The following USP36 variants were observed in gnomAD, a reference collection of about 807,000 sequenced individuals.
USP36 encodes the protein ubiquitin specific peptidase 36, also known as ubiquitin carboxyl-terminal hydrolase 36.
USP36 carries 59 observed loss-of-function variants against 111.5 expected under a neutral mutation model. The observed-to-expected ratio is 0.53, with a 90% confidence interval of 0.43 to 0.66. The LOEUF (loss-of-function observed/expected upper bound fraction) is 0.66, where lower values mean the gene tolerates loss of function less well. Ranked by LOEUF, USP36 falls within the 30% of genes least tolerant of loss-of-function variation. USP36 has a pLI of 0.00. For synonymous variants in USP36, 628 were observed against 581.0 expected, an observed-to-expected ratio of 1.08 and a Z score of -1.16; for missense variants, 1,488 against 1,468.0, an observed-to-expected ratio of 1.01 and a Z score of -0.22.
At chr17:78,820,790 T>C in intron 8 of USP36, among the ~76,000 whole-genome samples, 1 of 152,190 alleles carries the variant, frequency 6.6e-6, no homozygotes, top group East Asian at 1.9e-4. Flanking sequence ...ACCATTTTTT[T>C]CTTTAAATAA....
At chr17:78,822,031 G>A in intron 6 of USP36, 27 bp from the exon 7 acceptor site, 1 of 1,613,800 alleles carries the variant, frequency 6.2e-7, no homozygotes, top group East Asian at 2.2e-5. Context: ...AGCCTTTAAG[G>A]GAAGGGCTCA....
intron 4 of USP36, among the ~76,000 whole-genome samples, chr17:78,834,553 TCTC>T (rs2068467591): frequency 6.6e-6 from 1 of 151,810 alleles, no homozygotes; most frequent in Non-Finnish European, 1.5e-5. Flanking sequence ...TTCAAGCAAT[TCTC>T]CTGCTTCAGC....
chr17:78,809,121 T>C (rs58451711), intron 13 of USP36, among the ~76,000 whole-genome samples: 9,103 of 152,292 alleles, frequency 0.06, 881 homozygotes, highest in African/African-American at 0.21. Flanking sequence ...TTGAATGAGA[T>C]CTTTTGTTTA....
downstream of USP36, among the ~76,000 whole-genome samples, chr17:78,793,432 G>A (rs72849516): frequency 4.3e-3 from 660 of 152,268 alleles, 8 homozygotes; most frequent in Non-Finnish European, 5.5e-3. Context: ...CCGAATCCAT[G>A]GCACCCAGAT....
chr17:78,804,896 A>C (rs961925451), intron 15 of USP36, among the ~76,000 whole-genome samples: 1 of 152,200 alleles, frequency 6.6e-6, no homozygotes, highest in African/African-American at 2.4e-5. Flanking sequence ...CGAAAGTCTC[A>C]GGGTGTTCCC....
chr17:78,822,873 G>A (rs1468325507), intron 6 of USP36, among the ~76,000 whole-genome samples: 1 of 152,186 alleles, frequency 6.6e-6, no homozygotes, highest in Non-Finnish European at 1.5e-5. Context: ...TTTACTAGGA[G>A]GCTGCGCAGT....
downstream of USP36, among the ~76,000 whole-genome samples, chr17:78,794,476 T>C (rs1328182685): frequency 6.6e-6 from 1 of 152,172 alleles, no homozygotes; most frequent in East Asian, 1.9e-4. Context: ...AGGCTCCTCA[T>C]GGCCTCCCTG....
chr17:78,798,158 CCT>C lies in USP36; in HGVS notation c.*20+240_*20+241del. 1.8e-6 allele frequency: 1 copy of C among 542,724 alleles called. No individual in the cohort carries two copies. The highest frequency in any genetic ancestry group is 2.3e-5 in the South Asian group (1 of 44,152). The allele number at this position is 542,724 out of a possible 1,614,324, so 33.6% of individuals were successfully genotyped here. A position where few individuals can be genotyped will look rare whatever the true frequency, so the allele number is the denominator to read the frequency against. ...CACCCAACACACACTACACACACCC[CCT>C]TATACACACGCATCCCACACACACC... On this transcript the variant is annotated intron_variant, in intron 20 of 20. Coordinates refer to ENST00000449938, the MANE Select transcript of USP36 (RefSeq NM_001385174.1). The surrounding 1 kb of genome is among the most constrained non-coding windows in gnomAD (Gnocchi z 5.1).
chr17:78,836,520 G>C, intron 2 of USP36, 148 bp from the exon 3 acceptor site: 1 of 1,029,334 alleles, frequency 9.7e-7, no homozygotes, highest in Non-Finnish European at 1.4e-6. Context: ...CTGCACAAAG[G>C]AAACAGGGAG....
chr17:78,808,991 C>T (rs116069648), intron 13 of USP36, among the ~76,000 whole-genome samples: 9 of 152,110 alleles, frequency 5.9e-5, no homozygotes, highest in African/African-American at 2.2e-4. Flanking sequence ...AAATGCCAAA[C>T]TGCTTTTACT....
intron 17 of USP36, among the ~76,000 whole-genome samples, chr17:78,800,502 C>T (rs1175104173): frequency 6.6e-6 from 1 of 152,350 alleles, no homozygotes. Flanking sequence ...AATATACTCA[C>T]CTCCCTTCAC....
At chr17:78,788,660 TGAAG>T (rs1567895596) in intron 3 of USP36, among the ~76,000 whole-genome samples, 1 of 151,844 alleles carries the variant, frequency 6.6e-6, no homozygotes, top group Admixed American at 6.6e-5. Context: ...CTAGAAGGCA[TGAAG>T]GAAGGAAGGG....
intron 10 of USP36, 119 bp from the exon 11 acceptor site, chr17:78,814,671 G>A: frequency 7.7e-7 from 1 of 1,299,540 alleles, no homozygotes; most frequent in Non-Finnish European, 1.0e-6. Flanking sequence ...ACAATTTGGG[G>A]GCCGGGCACA....
rs200423499 is a variant in USP36, at chr17:78,807,453, C to T, written c.1591G>A (p.Asp531Asn). 28 of 1,613,778 alleles carry T rather than the reference C, an allele frequency of 1.7e-5. No homozygotes were observed. Among genetic ancestry groups the T allele is most frequent in the African/African-American group, 6.7e-5 (5 of 74,852 alleles). The change falls in exon 14 of 21, where the codon GAC (aspartate) becomes AAC (asparagine). Residue 531 changes from aspartate (D) to asparagine (N), a missense_variant. Coordinates refer to ENST00000449938, the MANE Select transcript of USP36 (RefSeq NM_001385174.1). ...TPTHMPTILD[D>N]PGKKVKKPAP... Reference sequence around the variant, plus strand: ...GGCTTCTTCACCTTCTTTCCAGGGTCGTCTAGGATGGTTGGCATGTGTGTG... The same window carrying T: ...GGCTTCTTCACCTTCTTTCCAGGGTTGTCTAGGATGGTTGGCATGTGTGTG...
intron 6 of USP36, among the ~76,000 whole-genome samples, chr17:78,825,685 G>A (rs1432033479): frequency 6.6e-6 from 1 of 152,260 alleles, no homozygotes; most frequent in East Asian, 1.9e-4. Flanking sequence ...TTCCACCGTA[G>A]ACTCTGGTTA....
At chr17:78,823,714 A>G (rs9891151) in intron 6 of USP36, among the ~76,000 whole-genome samples, 8,834 of 152,242 alleles carry the variant, frequency 0.058, 817 homozygotes, top group African/African-American at 0.2. Context: ...GCAGGCAGGC[A>G]GCCTTAGAAG....
At position 78,802,314 on chromosome 17, in the gene USP36, C is replaced by T. The variant is rs370434657; in HGVS notation, c.3022+10G>A. The T allele has an allele frequency of 7.8e-5, 121 of 1,559,910 alleles. No individual in the cohort carries two copies. The highest frequency in any genetic ancestry group is 9.3e-5 in the Non-Finnish European group (107 of 1,152,500). On this transcript the variant is annotated intron_variant, in intron 17 of 20. Coordinates refer to ENST00000449938, the MANE Select transcript of USP36 (RefSeq NM_001385174.1). ...CCCATGCGGTTCCCACCCCCTCGCC[C>T]GGTGCATACCCATGCGGTCCCCAGG...
intron 6 of USP36, among the ~76,000 whole-genome samples, chr17:78,824,768 T>C (rs934517249): frequency 6.6e-6 from 1 of 152,220 alleles, no homozygotes; most frequent in African/African-American, 2.4e-5. Context: ...ATGGTCATTT[T>C]GGCTTACAAA....
At chr17:78,790,350 G>A (rs1598947728) in intron 3 of USP36, among the ~76,000 whole-genome samples, 2 of 152,072 alleles carry the variant, frequency 1.3e-5, no homozygotes, top group South Asian at 4.1e-4. Context: ...GAGCACAATG[G>A]CGCGGTCTCA....
Sources: gnomAD v4.1 joint callset for allele counts (sites outside exome capture counted in the v4.1 genomes callset) on GRCh38, gnomAD v4.1.1 for gene constraint, Gnocchi (gnomAD v3.1) non-coding constraint, MANE v1.5 for transcripts, NCBI Gene and HGNC (gene_info 2026-07-23, HGNC 2026-07-21) for gene names.